GCKR: variants seen among roughly 807,000 people sequenced by gnomAD.
The protein encoded by GCKR is glucokinase regulator, also known as glucokinase regulatory protein.
Under a neutral mutation model 82.9 loss-of-function variants are expected in GCKR, and 73 were observed. The observed-to-expected ratio is 0.88, with a 90% CI of 0.73 to 1.07. The LOEUF is 1.07. GCKR is among the 50% of genes least tolerant of loss of function. The probability of loss-of-function intolerance (pLI) is 0.00; values close to 1 mark genes in which losing one functional copy is unlikely to be tolerated. For missense variants in GCKR, 784 were observed against 782.1 expected, an observed-to-expected ratio of 1.00 and a Z score of -0.03; for synonymous variants, 294 against 291.8, an observed-to-expected ratio of 1.01 and a Z score of -0.08.
At chr2:27,509,589 G>A (rs1430893907) in intron 16 of GCKR, 4 of 421,836 alleles carry the variant, frequency 9.5e-6, no homozygotes, top group Admixed American at 2.4e-5. Flanking sequence ...TGATCCACCC[G>A]CCTTAGCCTC....
At chr2:27,500,661 T>C (rs1050317839) in intron 7 of GCKR, among the ~76,000 whole-genome samples, 5 of 152,214 alleles carry the variant, frequency 3.3e-5, no homozygotes, top group Admixed American at 6.5e-5. Flanking sequence ...CACCTGGGAC[T>C]TGTTAGAAAT....
At position 27,499,416 on chromosome 2, in the gene GCKR, G is replaced by C; in HGVS notation, c.515G>C (p.Arg172Thr). ...ELKKVAAGKK[R>T]VIVIGISVGL... ...TCCTAGGTGGCTGCCGGGAAGAAGAGAGTGATTGTCATTGGCATTTCTGTG... is the reference window on the plus strand; with the variant it reads ...TCCTAGGTGGCTGCCGGGAAGAAGACAGTGATTGTCATTGGCATTTCTGTG... Residue 172 changes from arginine to threonine, a missense_variant, in exon 7 of 19, where the codon AGA becomes ACA. Transcript: ENST00000264717. The C allele has an allele frequency of 1.2e-6, 2 of 1,612,998 alleles. No individual in the cohort carries two copies. The highest frequency in any genetic ancestry group is 1.7e-6 in the Non-Finnish European group (2 of 1,178,928).
At chr2:27,497,653 C>T (rs1220751315) in intron 3 of GCKR, 23 bp downstream of exon 3, 10 of 1,463,384 alleles carry the variant, frequency 6.8e-6, no homozygotes, top group Non-Finnish European at 9.6e-6. Flanking sequence ...CTTCTGTTCC[C>T]TGCCTAAACT....
intron 16 of GCKR, among the ~76,000 whole-genome samples, chr2:27,512,473 T>G (rs1669912473): frequency 6.7e-6 from 1 of 149,428 alleles, no homozygotes; most frequent in Non-Finnish European, 1.5e-5. Flanking sequence ...AGGTGGAGGT[T>G]GCAGTGAACC....
chr2:27,506,346 C>T, intron 10 of GCKR, 135 bp from the exon 11 acceptor site: 1 of 733,580 alleles, frequency 1.4e-6, no homozygotes, highest in South Asian at 1.5e-5. Flanking sequence ...TCTGGGCCTA[C>T]TCTCTGCACC....
rs1669634629 is a variant in GCKR, at chr2:27,503,536, A to G, written c.667A>G (p.Ser223Gly). The G allele has an allele frequency of 2.5e-6, 4 of 1,599,618 alleles. No homozygotes were observed. The highest frequency in any genetic ancestry group is 3.4e-6 in the Non-Finnish European group (4 of 1,166,736). Residue 223 changes from serine to glycine, a missense_variant, in exon 9 of 19, where the codon AGT (serine) becomes GGT (glycine). Ser to Gly is a moderately conservative substitution (Grantham distance 56). Coordinates refer to ENST00000264717, the MANE Select transcript of GCKR (RefSeq NM_001486.4). ...MARNDPIEDW[S>G]STFRQVAERM... ...CAGAAATGACCCCATTGAAGACTGG[A>G]GTTCAACATTCCGACAAGTAGCAGA...
chr2:27,522,405 ATTCTTAG>A, intron 17 of GCKR, 48 bp from the exon 18 acceptor site: 1 of 1,598,332 alleles, frequency 6.3e-7, no homozygotes, highest in Non-Finnish European at 8.6e-7. Context: ...CCTTGACTCC[ATTCTTAG>A]TTCCTCTGGC....
Position 27,507,950 on chromosome 2 carries a change from G to A in GCKR, c.1241-27G>A, listed in dbSNP as rs8179219. 0.052 allele frequency: 78,614 copies of A among 1,523,722 alleles called. 2,252 individuals carry two copies. The highest frequency in any genetic ancestry group is 0.094 in the African/African-American group (6,859 of 73,184). 94.4% of individuals were successfully genotyped at this position (1,523,722 alleles called of 1,614,324 possible). Reference sequence around the variant, plus strand: ...GGAACAGCTGCACAGCCAGCCTTTCGACTCTGATGCCCTCCCCTTCTCCTA... The same window carrying A: ...GGAACAGCTGCACAGCCAGCCTTTCAACTCTGATGCCCTCCCCTTCTCCTA... On this transcript the variant is annotated intron_variant, in intron 14 of 18. Coordinates refer to ENST00000264717, the MANE Select transcript of GCKR (RefSeq NM_001486.4).
In GCKR at chr2:27,499,395, A is replaced by G; in HGVS notation, c.496-2A>G. The stretch of plus-strand genomic sequence containing the variant: ...ACTACCTTGTCCATCCTCCTCTCCT[A>G]GGTGGCTGCCGGGAAGAAGAGAGTG... On this transcript the variant is annotated splice_acceptor_variant, in intron 6 of 18. Transcript: ENST00000264717. LOFTEE classifies it high-confidence loss of function. The G allele has an allele frequency of 3.7e-6, 6 of 1,609,550 alleles. No homozygotes were observed. Among genetic ancestry groups the G allele is most frequent in the Non-Finnish European group, 5.1e-6 (6 of 1,175,808 alleles).
chr2:27,504,591 G>C (rs1033931771), intron 9 of GCKR, among the ~76,000 whole-genome samples: 1 of 151,352 alleles, frequency 6.6e-6, no homozygotes, highest in Non-Finnish European at 1.5e-5. Context: ...CAGGTGATCC[G>C]CCCGCCTCGG....
chr2:27,506,379 A>C (rs1271050350), intron 10 of GCKR, 102 bp from the exon 11 acceptor site: 2 of 800,368 alleles, frequency 2.5e-6, no homozygotes, highest in Non-Finnish European at 4.5e-6. Flanking sequence ...AGCAGAATTT[A>C]GTTCTAAGGG....
At chr2:27,517,110 T>A (rs1670029385) in intron 16 of GCKR, among the ~76,000 whole-genome samples, 1 of 151,480 alleles carries the variant, frequency 6.6e-6, no homozygotes, top group Non-Finnish European at 1.5e-5. Flanking sequence ...CCTCCTGGGT[T>A]CAAGTGATTC....
chr2:27,522,702 C>A, intron 18 of GCKR, 108 bp downstream of exon 18: 2 of 893,570 alleles, frequency 2.2e-6, no homozygotes, highest in Non-Finnish European at 3.7e-6. Flanking sequence ...ACTCTGCTCA[C>A]AAGGACCTCC....
Position 27,507,698 on chromosome 2 carries a change from C to T in GCKR, c.1161C>T (p.Phe387=), listed in dbSNP as rs751884903. Residue 387 remains phenylalanine (F), a synonymous_variant, in exon 14 of 19, where the codon TTC becomes TTT. Transcript: ENST00000264717. ...TGCCCCAGGGTCCCCAGTTCACCTT[C>T]TCCCAGGAGGACTTCCTGACTTCCA... ...ELTNQGPQFT[F]SQEDFLTSIL... 2 of 1,602,500 alleles carry T rather than the reference C, an allele frequency of 1.2e-6. No individual in the cohort carries two copies. Among genetic ancestry groups the T allele is most frequent in the Non-Finnish European group, 1.7e-6 (2 of 1,169,788 alleles).
intron 16 of GCKR, among the ~76,000 whole-genome samples, chr2:27,513,780 A>T (rs1237654632): frequency 6.6e-6 from 1 of 152,076 alleles, no homozygotes; most frequent in Non-Finnish European, 1.5e-5. Flanking sequence ...CTTTTTGTAA[A>T]ATAATAATAA....
At chr2:27,497,202 G>A in intron 1 of GCKR, 42 bp from the exon 2 acceptor site, 1 of 1,613,018 alleles carries the variant, frequency 6.2e-7, no homozygotes, top group Non-Finnish European at 8.5e-7. Context: ...CATGAATGAG[G>A]CTTTGGCTTC....
chr2:27,497,036 C>A, intron 1 of GCKR, 72 bp downstream of exon 1: 3 of 1,352,036 alleles, frequency 2.2e-6, no homozygotes, highest in Non-Finnish European at 3.2e-6. Context: ...CTTCCCTCCC[C>A]GCTGGTTTCT....
intron 16 of GCKR, among the ~76,000 whole-genome samples, chr2:27,518,077 A>C (rs1427176003): frequency 3.3e-5 from 5 of 152,066 alleles, no homozygotes; most frequent in African/African-American, 1.2e-4. Flanking sequence ...ACATAGTCTC[A>C]CTCTGTTGCC....
chr2:27,500,819 C>T (rs951143466), intron 7 of GCKR, among the ~76,000 whole-genome samples: 4 of 152,168 alleles, frequency 2.6e-5, no homozygotes, highest in African/African-American at 9.7e-5. Flanking sequence ...AAACTAGATC[C>T]CACCAGTGTT....
Sources: allele counts gnomAD v4.1 joint callset (sites outside exome capture counted in the v4.1 genomes callset), GRCh38; gene constraint gnomAD v4.1.1; transcripts MANE v1.5; gene names NCBI Gene and HGNC (gene_info 2026-07-23, HGNC 2026-07-21).